The following FBN1 variants were observed in gnomAD, a reference collection of about 807,000 sequenced individuals.
FBN1 encodes fibrillin 1, also known as fibrillin-1.
A neutral mutation model predicts 365.1 loss-of-function variants in FBN1; 29 were observed. That is an observed-to-expected ratio of 0.08 (90% CI 0.06 to 0.11). FBN1 has a LOEUF of 0.11. FBN1 is among the 10% of genes least tolerant of loss of function. The pLI is 1.00. For missense variants in FBN1, 2,476 were observed against 3,703.2 expected (o/e 0.67, Z 8.60); for synonymous variants, 1,210 against 1,270.5 (o/e 0.95, Z 1.01).
intron 6 of FBN1, among the ~76,000 whole-genome samples, chr15:48,563,642 C>T (rs945673816): frequency 2.0e-5 from 3 of 152,274 alleles, no homozygotes; most frequent in Non-Finnish European, 4.4e-5. Context: ...ATTCTGCAAA[C>T]GGGCGCTCCC....
intron 13 of FBN1, 137 bp from the exon 14 acceptor site, chr15:48,510,306 T>C (rs1052159237): frequency 2.6e-5 from 21 of 816,428 alleles, no homozygotes; most frequent in East Asian, 5.6e-5. Context: ...CCAACATAAA[T>C]TGGTTATCAA....
At chr15:48,564,662 T>A (rs76077447) in intron 6 of FBN1, among the ~76,000 whole-genome samples, 1 of 152,342 alleles carries the variant, frequency 6.6e-6, no homozygotes, top group Non-Finnish European at 1.5e-5. Context: ...TAATAAATCC[T>A]AGTTTCTCAC....
intron 3 of FBN1, among the ~76,000 whole-genome samples, chr15:48,611,775 A>G (rs1027966560): frequency 2.6e-5 from 4 of 152,292 alleles, no homozygotes; most frequent in East Asian, 1.9e-4. Context: ...TTTAAATGGC[A>G]TATGATTTAT....
At chr15:48,428,552 C>G in intron 56 of FBN1, 81 bp from the exon 57 acceptor site, 1 of 1,493,264 alleles carries the variant, frequency 6.7e-7, no homozygotes, top group Admixed American at 1.7e-5. Context: ...TCCTTCGTTC[C>G]TTCCTTCCTC....
chr15:48,506,926 C>T (rs575312814), intron 15 of FBN1, among the ~76,000 whole-genome samples: 49 of 152,254 alleles, frequency 3.2e-4, no homozygotes, highest in Admixed American at 3.0e-3. Context: ...GGAGCTCTCT[C>T]TCTCTCTCTC....
intron 6 of FBN1, among the ~76,000 whole-genome samples, chr15:48,570,441 T>C (rs1008221127): frequency 1.3e-5 from 2 of 151,614 alleles, no homozygotes; most frequent in African/African-American, 4.9e-5. Flanking sequence ...GTTTTGTGCC[T>C]CTGCTACTGT....
At chr15:48,620,190 T>G (rs1418881857) in intron 2 of FBN1, among the ~76,000 whole-genome samples, 12 of 152,202 alleles carry the variant, frequency 7.9e-5, no homozygotes, top group Admixed American at 7.9e-4. Context: ...GAGACTATCA[T>G]GGCTGGAATG....
chr15:48,504,667 C>T (rs1219767258), intron 16 of FBN1, among the ~76,000 whole-genome samples: 3 of 152,150 alleles, frequency 2.0e-5, no homozygotes, highest in South Asian at 4.1e-4. Context: ...TTCTATACTG[C>T]CCATGGACAT....
intron 4 of FBN1, among the ~76,000 whole-genome samples, chr15:48,605,086 C>A (rs903388657): frequency 1.3e-5 from 2 of 152,050 alleles, no homozygotes; most frequent in Admixed American, 6.5e-5. Context: ...TAAAGGGCCC[C>A]AAATTGATAT....
At chr15:48,603,522 G>A (rs558911828) in intron 4 of FBN1, among the ~76,000 whole-genome samples, 4 of 152,160 alleles carry the variant, frequency 2.6e-5, no homozygotes, top group Non-Finnish European at 5.9e-5. Context: ...AATATATACC[G>A]AAATTGGTTT....
At chr15:48,610,350 T>C (rs2044647046) in intron 4 of FBN1, among the ~76,000 whole-genome samples, 1 of 152,214 alleles carries the variant, frequency 6.6e-6, no homozygotes, top group African/African-American at 2.4e-5. Flanking sequence ...CAGATTCATA[T>C]TTCAGTACCA....
At chr15:48,640,909 G>A (rs1338001456) in intron 2 of FBN1, 1 of 150,840 alleles carries the variant, frequency 6.6e-6, no homozygotes, top group Non-Finnish European at 1.5e-5. Context: ...TTTTTTTTTG[G>A]ACTGTCTCCC....
At chr15:48,533,959 C>A in intron 8 of FBN1, 121 bp downstream of exon 8, 1 of 1,341,596 alleles carries the variant, frequency 7.5e-7, no homozygotes, top group South Asian at 1.2e-5. Flanking sequence ...TATATTTACA[C>A]ATTCACAGGG....
intron 17 of FBN1, among the ~76,000 whole-genome samples, chr15:48,501,752 A>G (rs1401210746): frequency 6.6e-6 from 1 of 152,220 alleles, no homozygotes. Context: ...CTTGTGTGCC[A>G]GCTTTCATGA....
chr15:48,600,501 T>C (rs1250852282), intron 4 of FBN1, among the ~76,000 whole-genome samples: 1 of 152,142 alleles, frequency 6.6e-6, no homozygotes, highest in African/African-American at 2.4e-5. Context: ...GTCAGGAGTT[T>C]GAGACCAGCC....
At chr15:48,591,792 CCCCTTTCCAGTGAGGTCTTTAGA>C (rs2044479461) in intron 6 of FBN1, among the ~76,000 whole-genome samples, 1 of 152,132 alleles carries the variant, frequency 6.6e-6, no homozygotes, top group Non-Finnish European at 1.5e-5. Context: ...TTATGAGTGG[CCCCTTTCCAGTGAGGTCTTTAGA>C]GTTACGAGTG....
At chr15:48,572,807 T>C (rs1307151528) in intron 6 of FBN1, among the ~76,000 whole-genome samples, 1 of 152,194 alleles carries the variant, frequency 6.6e-6, no homozygotes, top group Non-Finnish European at 1.5e-5. Context: ...CTCTGGTTCG[T>C]TCATTTAAAA....
intron 63 of FBN1, 127 bp from the exon 64 acceptor site, chr15:48,415,894 G>C: frequency 2.6e-6 from 2 of 766,780 alleles, no homozygotes; most frequent in Non-Finnish European, 4.6e-6. Context: ...AAGACAGGCA[G>C]AGGTGGCTGG....
intron 6 of FBN1, among the ~76,000 whole-genome samples, chr15:48,589,715 G>A (rs764347845): frequency 2.6e-4 from 38 of 144,576 alleles, no homozygotes; most frequent in East Asian, 8.5e-4. Flanking sequence ...CTGGGTTCAC[G>A]CCATTCTCCC....
Sources: allele counts gnomAD v4.1 joint callset (sites outside exome capture counted in the v4.1 genomes callset), GRCh38; gene constraint gnomAD v4.1.1; transcripts MANE v1.5; gene names NCBI Gene and HGNC (gene_info 2026-07-23, HGNC 2026-07-21).